Variants in RBFOX1 observed in about 807,000 individuals in gnomAD.
The protein encoded by RBFOX1 is RNA binding fox-1 homolog 1.
A neutral mutation model predicts 57.7 loss-of-function variants in RBFOX1; 8 were observed. That is an observed-to-expected ratio of 0.14 (90% CI 0.08 to 0.25). The LOEUF (loss-of-function observed/expected upper bound fraction) is 0.25, where lower values mean the gene tolerates loss of function less well. RBFOX1 is among the 10% of genes least tolerant of loss of function. RBFOX1 has a pLI of 1.00. For missense variants in RBFOX1, 611 were observed against 548.5 expected, an observed-to-expected ratio of 1.11 and a Z score of -1.14; for synonymous variants, 326 against 222.4, an observed-to-expected ratio of 1.47 and a Z score of -4.15.
intron 3 of RBFOX1, chr16:6,773,830 A>G: frequency 2.9e-6 from 1 of 348,184 alleles, no homozygotes; most frequent in Non-Finnish European, 4.0e-6. Flanking sequence ...TTGTGGGGGC[A>G]TGGGGTGCAT....
chr16:6,816,904 C>G (rs1421168675), intron 3 of RBFOX1, among the ~76,000 whole-genome samples: 3 of 151,746 alleles, frequency 2.0e-5, no homozygotes, highest in South Asian at 2.1e-4. Flanking sequence ...ACCACCATGC[C>G]TAGCTGTTTT....
intron 3 of RBFOX1, among the ~76,000 whole-genome samples, chr16:6,695,364 T>A (rs1203950162): frequency 7.4e-6 from 1 of 135,408 alleles, no homozygotes; most frequent in Non-Finnish European, 1.5e-5. Context: ...TGCAATTACC[T>A]GAGATTGCGC....
At chr16:7,218,368 C>A (rs1157978642) in intron 4 of RBFOX1, among the ~76,000 whole-genome samples, 1 of 152,002 alleles carries the variant, frequency 6.6e-6, no homozygotes, top group Non-Finnish European at 1.5e-5. Flanking sequence ...CAGTATGCTT[C>A]CTATGAGACA....
chr16:6,900,606 G>C (rs1425236962), intron 3 of RBFOX1, among the ~76,000 whole-genome samples: 1 of 152,122 alleles, frequency 6.6e-6, no homozygotes, highest in Non-Finnish European at 1.5e-5. Flanking sequence ...AATGTGCTGA[G>C]TGTCACAGCA....
chr16:6,558,737 A>G (rs1414036424), intron 2 of RBFOX1, among the ~76,000 whole-genome samples: 1 of 152,100 alleles, frequency 6.6e-6, no homozygotes, highest in South Asian at 2.1e-4. Context: ...CAGGTAAAGA[A>G]CGTGTTTCAG....
intron 3 of RBFOX1, among the ~76,000 whole-genome samples, chr16:6,903,320 GC>G (rs1179998371): frequency 6.6e-6 from 1 of 152,182 alleles, no homozygotes; most frequent in Non-Finnish European, 1.5e-5. Context: ...AGCCCTTACA[GC>G]CTGGAGTAAG....
chr16:7,580,452 C>T (rs1179622472), intron 6 of RBFOX1, among the ~76,000 whole-genome samples: 4 of 152,106 alleles, frequency 2.6e-5, no homozygotes, highest in Admixed American at 1.3e-4. Context: ...CCACCACCAC[C>T]GACACCAAAT....
At chr16:6,430,246 G>A (rs559582291) in intron 2 of RBFOX1, among the ~76,000 whole-genome samples, 17 of 152,258 alleles carry the variant, frequency 1.1e-4, no homozygotes, top group South Asian at 6.2e-4. Flanking sequence ...GGTTCTCAAC[G>A]TTGTGCTGGG....
intron 3 of RBFOX1, among the ~76,000 whole-genome samples, chr16:5,795,503 A>G (rs1195728618): frequency 2.6e-5 from 4 of 151,924 alleles, no homozygotes; most frequent in Non-Finnish European, 5.9e-5. Flanking sequence ...GGGTATTGCT[A>G]TGGTTGTGAA....
intron 13 of RBFOX1, among the ~76,000 whole-genome samples, chr16:7,666,684 G>A (rs1491002114): frequency 6.6e-6 from 1 of 152,184 alleles, no homozygotes; most frequent in Non-Finnish European, 1.5e-5. Context: ...GCATATCGCT[G>A]CATCAGAGAA....
At chr16:6,936,451 C>G (rs573185181) in intron 3 of RBFOX1, among the ~76,000 whole-genome samples, 2 of 152,214 alleles carry the variant, frequency 1.3e-5, no homozygotes, top group East Asian at 1.9e-4. Context: ...TAGTGCCTGT[C>G]CTATTATCAT....
intron 2 of RBFOX1, among the ~76,000 whole-genome samples, chr16:6,558,285 A>C (rs1194762100): frequency 4.6e-5 from 7 of 152,092 alleles, no homozygotes; most frequent in Admixed American, 4.6e-4. Context: ...GCATTTTGCA[A>C]ATCGAGAATA....
At chr16:7,426,093 T>A (rs1226790505) in intron 4 of RBFOX1, among the ~76,000 whole-genome samples, 2 of 152,194 alleles carry the variant, frequency 1.3e-5, no homozygotes, top group East Asian at 3.9e-4. Flanking sequence ...AAGGGAGTAA[T>A]CATTTTAATA....
At chr16:7,692,453 A>C (rs1434563360) in intron 14 of RBFOX1, among the ~76,000 whole-genome samples, 4 of 152,176 alleles carry the variant, frequency 2.6e-5, no homozygotes, top group African/African-American at 9.6e-5. Context: ...CTAAGAAGAA[A>C]AATGCATTTA....
chr16:6,218,397 C>T (rs1054319426), intron 1 of RBFOX1, among the ~76,000 whole-genome samples: 1 of 152,158 alleles, frequency 6.6e-6, no homozygotes, highest in African/African-American at 2.4e-5. Context: ...CGACACCTGC[C>T]TCCAGGGTTC....
intron 4 of RBFOX1, among the ~76,000 whole-genome samples, chr16:7,250,571 A>G (rs754314208): frequency 6.6e-6 from 1 of 152,198 alleles, no homozygotes; most frequent in Non-Finnish European, 1.5e-5. Flanking sequence ...CTGAAGGCAA[A>G]GACTAAGAGT....
chr16:7,350,142 A>G (rs1166389587), intron 4 of RBFOX1, among the ~76,000 whole-genome samples: 3 of 152,108 alleles, frequency 2.0e-5, no homozygotes, highest in Non-Finnish European at 2.9e-5. Context: ...GCCAAATTCC[A>G]TCTAAAAAAT....
chr16:7,098,040 A>T (rs9921385), intron 4 of RBFOX1, among the ~76,000 whole-genome samples: 29,888 of 152,202 alleles, frequency 0.2, 3,191 homozygotes, highest in East Asian at 0.34. Context: ...GGAGTATTCA[A>T]GTAAAGCCAG....
At chr16:6,503,655 G>T (rs1052480393) in intron 2 of RBFOX1, among the ~76,000 whole-genome samples, 2 of 152,142 alleles carry the variant, frequency 1.3e-5, no homozygotes, top group African/African-American at 2.4e-5. Context: ...AGGGACCCCA[G>T]TGCAGCAGTG....
Sources: gnomAD v4.1 joint callset for allele counts (sites outside exome capture counted in the v4.1 genomes callset) on GRCh38, gnomAD v4.1.1 for gene constraint, MANE v1.5 for transcripts, NCBI Gene and HGNC (gene_info 2026-07-23, HGNC 2026-07-21) for gene names.